The following MCTP1 variants were observed in gnomAD, a reference collection of about 807,000 sequenced individuals.
MCTP1 encodes the protein multiple C2 and transmembrane domain-containing protein 1.
A neutral mutation model predicts 120.6 loss-of-function variants in MCTP1; 69 were observed. That is an observed-to-expected ratio of 0.57 (90% CI 0.47 to 0.70). The LOEUF is 0.70. MCTP1 is among the 30% of genes least tolerant of loss of function. The pLI is 0.00. For missense variants in MCTP1, 1,203 were observed against 1,248.8 expected, an observed-to-expected ratio of 0.96 and a Z score of 0.55; for synonymous variants, 529 against 493.1, an observed-to-expected ratio of 1.07 and a Z score of -0.96.
intron 19 of MCTP1, among the ~76,000 whole-genome samples, chr5:94,737,631 A>G (rs1208081073): frequency 6.6e-6 from 1 of 152,204 alleles, no homozygotes; most frequent in Non-Finnish European, 1.5e-5. Context: ...AACCAGTTAC[A>G]TAAGTTATCA....
chr5:94,730,781 C>T (rs1013873298), intron 19 of MCTP1, among the ~76,000 whole-genome samples: 11 of 152,138 alleles, frequency 7.2e-5, no homozygotes, highest in African/African-American at 2.4e-4. Context: ...TTGGTAACAC[C>T]CTATTCCCAG....
chr5:95,235,062 A>C (rs2152662491), intron 1 of MCTP1, among the ~76,000 whole-genome samples: 1 of 152,184 alleles, frequency 6.6e-6, no homozygotes, highest in East Asian at 1.9e-4. Context: ...GCATAGATTC[A>C]AAATTTAAAA....
intron 2 of MCTP1, among the ~76,000 whole-genome samples, chr5:94,970,119 T>C (rs1461622149): frequency 1.3e-5 from 2 of 151,950 alleles, no homozygotes; most frequent in Non-Finnish European, 2.9e-5. Flanking sequence ...AATAATAGTA[T>C]GGTAAAGTGT....
chr5:94,751,800 G>T (rs538757644), intron 19 of MCTP1, among the ~76,000 whole-genome samples: 1 of 152,044 alleles, frequency 6.6e-6, no homozygotes, highest in South Asian at 2.1e-4. Context: ...TTTGTTCTAG[G>T]ATCAACGTTC....
intron 1 of MCTP1, among the ~76,000 whole-genome samples, chr5:95,160,272 A>G (rs1250848274): frequency 6.6e-6 from 1 of 152,194 alleles, no homozygotes; most frequent in Non-Finnish European, 1.5e-5. Context: ...TGGTGTTAGG[A>G]AAGAAAAGCG....
chr5:95,225,221 A>G (rs1471931302), intron 1 of MCTP1, among the ~76,000 whole-genome samples: 1 of 152,210 alleles, frequency 6.6e-6, no homozygotes, highest in Non-Finnish European at 1.5e-5. Flanking sequence ...TATTAATAAT[A>G]CCTGACAGCC....
At chr5:94,960,210 T>C (rs915284588) in intron 2 of MCTP1, among the ~76,000 whole-genome samples, 1 of 152,192 alleles carries the variant, frequency 6.6e-6, no homozygotes, top group African/African-American at 2.4e-5. Context: ...GAAAACTGGC[T>C]AGCCATATGA....
intron 1 of MCTP1, among the ~76,000 whole-genome samples, chr5:95,140,746 G>GGT (rs1759850953): frequency 6.8e-6 from 1 of 147,186 alleles, no homozygotes; most frequent in East Asian, 2.0e-4. Context: ...CGGGTGTGGT[G>GGT]GTGGGCACCT....
intron 1 of MCTP1, among the ~76,000 whole-genome samples, chr5:95,270,807 G>A (rs1244984038): frequency 1.3e-5 from 2 of 152,100 alleles, no homozygotes; most frequent in South Asian, 2.1e-4. Context: ...GCAGGCACCT[G>A]TAGTTCCAGC....
intron 1 of MCTP1, among the ~76,000 whole-genome samples, chr5:95,157,823 T>C (rs1329958258): frequency 6.6e-6 from 1 of 152,194 alleles, no homozygotes; most frequent in East Asian, 1.9e-4. Flanking sequence ...TAATGTTTTA[T>C]TGAAACACAG....
At chr5:94,947,614 A>AGAGAGAGAGAGAGAGAGAGAGG in intron 3 of MCTP1, among the ~76,000 whole-genome samples, 1 of 132,460 alleles carries the variant, frequency 7.5e-6, no homozygotes, top group Non-Finnish European at 1.6e-5. Context: ...AGAGAGAGAG[A>AGAGAGAGAGAGAGAGAGAGAGG]GAGAGAGAAA....
At chr5:94,897,354 A>G (rs11739130) in intron 10 of MCTP1, among the ~76,000 whole-genome samples, 19,672 of 148,514 alleles carry the variant, frequency 0.13, 1,370 homozygotes, top group Middle Eastern at 0.17. Context: ...ACAAGCCACC[A>G]CACCCAGCCC....
At chr5:95,251,356 C>T (rs892881520) in intron 1 of MCTP1, among the ~76,000 whole-genome samples, 2 of 151,788 alleles carry the variant, frequency 1.3e-5, no homozygotes, top group Non-Finnish European at 2.9e-5. Context: ...GTGGGAGGGA[C>T]GAGAATAGTC....
rs1760615505 is a variant in MCTP1, at chr5:95,284,676, CGGT to C, written c.-104_-102del. On this transcript the variant is annotated 5_prime_UTR_variant, in exon 1 of 23. Transcript: ENST00000515393. This position sits in a 1 kb window ranked among gnomAD's most constrained non-coding sequence, Gnocchi z 5.2. ...TCCTCCCGGGTCCCCGCGGCGCTGGCGGTGGCGGCGGCGGCGGCGGCGGGCGCA... is the reference window on the plus strand; with the variant it reads ...TCCTCCCGGGTCCCCGCGGCGCTGGCGGCGGCGGCGGCGGCGGCGGGCGCA... 7 of 1,049,928 alleles carry C rather than the reference CGGT, an allele frequency of 6.7e-6. No homozygotes were observed. The highest frequency in any genetic ancestry group is 1.7e-5 in the African/African-American group (1 of 57,474). The allele number at this position is 1,049,928 out of a possible 1,614,324, so 65.0% of individuals were successfully genotyped here.
intron 17 of MCTP1, among the ~76,000 whole-genome samples, chr5:94,808,969 G>C (rs1237841413): frequency 1.3e-5 from 2 of 152,080 alleles, no homozygotes; most frequent in Non-Finnish European, 2.9e-5. Flanking sequence ...GAAACCTAAA[G>C]TCTACAATCT....
chr5:94,740,005 C>A (rs1765147191), intron 19 of MCTP1, among the ~76,000 whole-genome samples: 1 of 152,146 alleles, frequency 6.6e-6, no homozygotes, highest in African/African-American at 2.4e-5. Context: ...TGTTAAGGCT[C>A]AAATCTCTTC....
chr5:95,207,928 C>CGAGAGAGAGA (rs753843212), intron 1 of MCTP1, among the ~76,000 whole-genome samples: 5 of 84,604 alleles, frequency 5.9e-5, no homozygotes, highest in African/African-American at 8.4e-5. Flanking sequence ...AATGAGCGGG[C>CGAGAGAGAGA]GAGAGAGAGA....
At chr5:95,022,184 A>AT (rs1216036478) in intron 1 of MCTP1, among the ~76,000 whole-genome samples, 1 of 152,172 alleles carries the variant, frequency 6.6e-6, no homozygotes, top group Non-Finnish European at 1.5e-5. Flanking sequence ...CCCATGATAT[A>AT]TTAGGTTGGT....
intron 18 of MCTP1, among the ~76,000 whole-genome samples, chr5:94,786,801 C>G (rs1777810629): frequency 6.6e-6 from 1 of 151,950 alleles, no homozygotes; most frequent in African/African-American, 2.4e-5. Context: ...TTATGAAGAG[C>G]AGGTTTCATA....
Sources: allele counts gnomAD v4.1 joint callset (sites outside exome capture counted in the v4.1 genomes callset), GRCh38; gene constraint gnomAD v4.1.1; non-coding constraint Gnocchi (gnomAD v3.1); transcripts MANE v1.5; gene names NCBI Gene and HGNC (gene_info 2026-07-23, HGNC 2026-07-21).